Variants in CA10 observed in about 807,000 individuals in gnomAD.
CA10 encodes carbonic anhydrase 10 (inactive).
CA10 carries 14 observed loss-of-function variants against 44.2 expected under a neutral mutation model. That is an observed-to-expected ratio of 0.32 (90% CI 0.21 to 0.50). CA10 has a LOEUF of 0.50. CA10 is among the 20% of genes least tolerant of loss of function. The pLI, the probability that CA10 is intolerant of heterozygous loss-of-function variation, is 0.99. For missense variants in CA10, 350 were observed against 409.7 expected (o/e 0.85, Z 1.26); for synonymous variants, 159 against 141.6 (o/e 1.12, Z -0.87).
At chr17:51,902,359 T>A (rs1485245914) in intron 3 of CA10, among the ~76,000 whole-genome samples, 1 of 152,170 alleles carries the variant, frequency 6.6e-6, no homozygotes, top group Non-Finnish European at 1.5e-5. Flanking sequence ...TGTAAAGAAA[T>A]AAGTCACCTC....
chr17:51,888,330 TATC>T (rs1212049386), intron 3 of CA10, among the ~76,000 whole-genome samples: 1 of 152,200 alleles, frequency 6.6e-6, no homozygotes, highest in African/African-American at 2.4e-5. Flanking sequence ...TACTTTCAAA[TATC>T]ATCTTTTACT....
At position 51,653,684 on chromosome 17, in the gene CA10, G is replaced by A. The variant is rs747305523; in HGVS notation, c.518C>T (p.Ala173Val). The change falls in exon 5 of 9, where the codon GCA (alanine) becomes GTA (valine). Residue 173 changes from alanine (A) to valine (V), a missense_variant. By Grantham distance (64) the Ala-to-Val change is moderately conservative. Transcript: ENST00000451037. Reference sequence around the variant, plus strand: ...TACCACCAATCCATTTGGACTCTTTGCAGCTTCTGTGACATTCGTATATAG... The same window carrying A: ...TACCACCAATCCATTTGGACTCTTTACAGCTTCTGTGACATTCGTATATAG... ...HELYTNVTEA[A>V]KSPNGLVVVS... 6.2e-7 allele frequency: 1 copy of A among 1,611,424 alleles called. No homozygotes were observed. Among genetic ancestry groups the A allele is most frequent in the East Asian group, 2.2e-5 (1 of 44,858 alleles).
intron 2 of CA10, among the ~76,000 whole-genome samples, chr17:52,014,376 T>C (rs1433139073): frequency 6.6e-6 from 1 of 151,952 alleles, no homozygotes; most frequent in African/African-American, 2.4e-5. Context: ...AAAATTAATA[T>C]GGACTTAAGA....
chr17:51,831,695 A>AGCGGCGGCGGCGGCAGCGGCGGCGGCG (rs1567854577), intron 3 of CA10, among the ~76,000 whole-genome samples: 1 of 80,806 alleles, frequency 1.2e-5, no homozygotes, highest in Admixed American at 1.2e-4. Context: ...CAGCAGCAGC[A>AGCGGCGGCGGCGGCAGCGGCGGCGGCG]GCAGCAGCAG....
intron 6 of CA10, among the ~76,000 whole-genome samples, chr17:51,639,621 A>G (rs763601073): frequency 2.6e-4 from 40 of 152,320 alleles, no homozygotes; most frequent in Non-Finnish European, 5.4e-4. Context: ...CAGAGGACAT[A>G]GGCAGCTTCT....
At chr17:52,086,199 A>G (rs893649723) in intron 1 of CA10, among the ~76,000 whole-genome samples, 3 of 152,224 alleles carry the variant, frequency 2.0e-5, no homozygotes, top group Non-Finnish European at 4.4e-5. Context: ...ACAAATTAAG[A>G]TAATGATAGT....
intron 2 of CA10, among the ~76,000 whole-genome samples, chr17:51,953,237 TCA>T (rs1983548498): frequency 6.6e-6 from 1 of 152,276 alleles, no homozygotes; most frequent in African/African-American, 2.4e-5. Flanking sequence ...GCTTTATTTT[TCA>T]CAGATGGCTA....
intron 3 of CA10, among the ~76,000 whole-genome samples, chr17:51,848,096 T>G (rs1978579270): frequency 6.6e-6 from 1 of 152,188 alleles, no homozygotes; most frequent in Admixed American, 6.5e-5. Flanking sequence ...GTGATTGAGA[T>G]AAGTAATATT....
upstream of CA10, chr17:52,158,766 CAGA>C (rs1989877328): frequency 6.6e-6 from 1 of 152,518 alleles, no homozygotes; most frequent in Non-Finnish European, 1.5e-5. Flanking sequence ...CTTCCCAACT[CAGA>C]GAGGAGGAGG....
chr17:52,133,537 T>C (rs953033671), intron 1 of CA10, among the ~76,000 whole-genome samples: 1 of 152,066 alleles, frequency 6.6e-6, no homozygotes, highest in Non-Finnish European at 1.5e-5. Flanking sequence ...AAAAAAACAG[T>C]TGCATATCAG....
At chr17:51,974,054 T>C (rs554072991) in intron 2 of CA10, among the ~76,000 whole-genome samples, 1 of 152,188 alleles carries the variant, frequency 6.6e-6, no homozygotes, top group Non-Finnish European at 1.5e-5. Context: ...CAAAAAAGAA[T>C]AGAAATTCTA....
At chr17:51,970,555 A>G (rs1412089930) in intron 2 of CA10, among the ~76,000 whole-genome samples, 1 of 152,058 alleles carries the variant, frequency 6.6e-6, no homozygotes, top group African/African-American at 2.4e-5. Flanking sequence ...CAGAGCATAG[A>G]TGTGTTGCTA....
chr17:52,024,825 T>C (rs965913302), intron 2 of CA10, among the ~76,000 whole-genome samples: 2 of 152,108 alleles, frequency 1.3e-5, no homozygotes, highest in Admixed American at 1.3e-4. Context: ...AATTGCTTAA[T>C]AAGTCAGCTA....
At chr17:52,111,789 A>G (rs1441015370) in intron 1 of CA10, among the ~76,000 whole-genome samples, 1 of 152,146 alleles carries the variant, frequency 6.6e-6, no homozygotes. Flanking sequence ...CTCTACCTAC[A>G]TCTCCTTCTG....
intron 1 of CA10, among the ~76,000 whole-genome samples, chr17:52,103,004 GCACTTCT>G (rs1471999159): frequency 6.6e-6 from 1 of 151,644 alleles, no homozygotes; most frequent in Non-Finnish European, 1.5e-5. Flanking sequence ...CTATGTGCAC[GCACTTCT>G]CACTTCTTTT....
At chr17:51,756,775 C>T (rs1455824662) in intron 3 of CA10, among the ~76,000 whole-genome samples, 1 of 152,122 alleles carries the variant, frequency 6.6e-6, no homozygotes, top group Non-Finnish European at 1.5e-5. Context: ...TGTGCCCAGC[C>T]ATGAGATGAG....
intron 4 of CA10, among the ~76,000 whole-genome samples, chr17:51,656,082 A>C (rs1913781696): frequency 6.6e-6 from 1 of 152,176 alleles, no homozygotes; most frequent in African/African-American, 2.4e-5. Flanking sequence ...TCCAGTGCTG[A>C]GTAAGCTTCT....
intron 6 of CA10, among the ~76,000 whole-genome samples, chr17:51,644,861 C>T (rs111388695): frequency 0.14 from 20,609 of 144,352 alleles, 1,832 homozygotes; most frequent in Admixed American, 0.2. Context: ...TGCAATGGTA[C>T]GATCTCAGCT....
chr17:51,666,422 C>T lies in CA10; in HGVS notation c.466-12686G>A, dbSNP rs145051425. 2.8e-3 allele frequency among the ~76,000 whole-genome samples: 421 copies of T among 152,250 alleles called. 4 individuals carry two copies. The highest frequency in any genetic ancestry group is 9.5e-3 in the African/African-American group (393 of 41,542). On this transcript the variant is annotated intron_variant, in intron 4 of 8. Transcript: ENST00000451037. ...TTTGAAGATGGAGAAGGGGGTTGTACGTGCAGGGGTAGGGAATGTTGATGA... is the reference window on the plus strand; with the variant it reads ...TTTGAAGATGGAGAAGGGGGTTGTATGTGCAGGGGTAGGGAATGTTGATGA...
Sources: gnomAD v4.1 joint callset for allele counts (sites outside exome capture counted in the v4.1 genomes callset) on GRCh38, gnomAD v4.1.1 for gene constraint, MANE v1.5 for transcripts, NCBI Gene and HGNC (gene_info 2026-07-23, HGNC 2026-07-21) for gene names.